The following GRIP1 variants were observed in gnomAD, a reference collection of about 807,000 sequenced individuals.
The protein encoded by GRIP1 is glutamate receptor interacting protein 1.
GRIP1 carries 45 observed loss-of-function variants against 129.9 expected under a neutral mutation model. The ratio of observed to expected loss-of-function variants is 0.35; its 90% CI spans 0.27 to 0.44. The LOEUF is 0.44. GRIP1 is among the 20% of genes least tolerant of loss of function. The probability of loss-of-function intolerance (pLI) is 1.00; values close to 1 mark genes in which losing one functional copy is unlikely to be tolerated. For missense variants in GRIP1, 1,196 were observed against 1,396.8 expected (o/e 0.86, Z 2.29); for synonymous variants, 530 against 520.8 (o/e 1.02, Z -0.24).
At chr12:66,563,362 C>G (rs1212947910) in intron 2 of GRIP1, among the ~76,000 whole-genome samples, 1 of 152,008 alleles carries the variant, frequency 6.6e-6, no homozygotes, top group African/African-American at 2.4e-5. Flanking sequence ...GGAAAAGGAG[C>G]AATCATCTTG....
intron 2 of GRIP1, among the ~76,000 whole-genome samples, chr12:66,587,706 G>A (rs1432461171): frequency 6.6e-6 from 1 of 152,168 alleles, no homozygotes; most frequent in Non-Finnish European, 1.5e-5. Context: ...TGGATGTAGC[G>A]AGCAAGTAAA....
chr12:66,649,594 A>G (rs748722925), intron 1 of GRIP1, among the ~76,000 whole-genome samples: 4 of 152,238 alleles, frequency 2.6e-5, no homozygotes, highest in Non-Finnish European at 4.4e-5. Flanking sequence ...CAGCACATGA[A>G]TGTAACCCAA....
chr12:66,930,028 A>T (rs1384923864), intron 1 of GRIP1, among the ~76,000 whole-genome samples: 2 of 144,020 alleles, frequency 1.4e-5, no homozygotes, highest in African/African-American at 5.1e-5. Flanking sequence ...CATGTTGCCC[A>T]GTTACCCAGG....
Position 66,869,180 on chromosome 12 carries a change from G to A in GRIP1, c.58+199870C>T, listed in dbSNP as rs189170044. On this transcript the variant is annotated intron_variant, in intron 1 of 1. Coordinates refer to the GRIP1 transcript ENST00000643019. ...TTCATCTAGTATTCCCTGACAGCCT[G>A]GCACACTGACCTGTACTTAATAGGT... Among the ~76,000 whole-genome samples, 8 of 151,902 alleles carry A rather than the reference G, an allele frequency of 5.3e-5. No individual in the cohort carries two copies. In the East Asian group the frequency reaches 1.2e-3, roughly 22 times the overall value.
At chr12:66,627,947 G>A (rs933041216) in intron 1 of GRIP1, among the ~76,000 whole-genome samples, 7 of 152,210 alleles carry the variant, frequency 4.6e-5, no homozygotes, top group African/African-American at 1.7e-4. Flanking sequence ...AGGAGGCTAG[G>A]GGAGAAAGGG....
chr12:66,735,249 A>T (rs892367596), intron 1 of GRIP1, among the ~76,000 whole-genome samples: 1 of 152,196 alleles, frequency 6.6e-6, no homozygotes, highest in African/African-American at 2.4e-5. Context: ...CCATGGTTCT[A>T]TGAAAGGATG....
At chr12:66,943,273 C>T (rs1382544178) in intron 1 of GRIP1, among the ~76,000 whole-genome samples, 3 of 152,040 alleles carry the variant, frequency 2.0e-5, no homozygotes, top group Non-Finnish European at 4.4e-5. Context: ...CAGCAGGGGG[C>T]CTAGCACCTC....
rs1357991678 is a variant in GRIP1, at chr12:66,526,956, CA to C, written c.502+2874del. 2.9e-5 allele frequency among the ~76,000 whole-genome samples: 4 copies of C among 136,908 alleles called. No homozygotes were observed. In the East Asian group the frequency reaches 8.0e-4, roughly 28 times the overall value. The allele number at this position is 136,908 out of a possible 152,430, so 89.8% of individuals were successfully genotyped here. On this transcript the variant is annotated intron_variant, in intron 5 of 24. Transcript: ENST00000359742. ...ATCATCACTGGCCATCAGAGAAATG[CA>C]AATCAAAACCAGAAGGAGATACCAT...
chr12:66,861,299 A>G (rs747091842), intron 1 of GRIP1, among the ~76,000 whole-genome samples: 6 of 152,160 alleles, frequency 3.9e-5, no homozygotes, highest in African/African-American at 7.2e-5. Context: ...GCAAACAGCC[A>G]CATTTGCAAA....
chr12:66,509,804 A>T (rs2060642285), intron 7 of GRIP1, among the ~76,000 whole-genome samples: 2 of 152,114 alleles, frequency 1.3e-5, no homozygotes, highest in Non-Finnish European at 2.9e-5. Flanking sequence ...TCACGGGGGC[A>T]GGGGAAGGGA....
At chr12:66,824,671 G>A (rs2039377555) in intron 1 of GRIP1, among the ~76,000 whole-genome samples, 1 of 152,020 alleles carries the variant, frequency 6.6e-6, no homozygotes, top group African/African-American at 2.4e-5. Flanking sequence ...CATGATTCAA[G>A]GATAATTATA....
intron 1 of GRIP1, among the ~76,000 whole-genome samples, chr12:66,634,911 T>C (rs982229450): frequency 2.6e-5 from 4 of 152,214 alleles, no homozygotes; most frequent in South Asian, 2.1e-4. Flanking sequence ...CTGGACCCAA[T>C]AACAGAAATT....
intron 1 of GRIP1, among the ~76,000 whole-genome samples, chr12:66,987,357 A>G (rs1472627222): frequency 6.6e-6 from 1 of 152,184 alleles, no homozygotes; most frequent in Admixed American, 6.6e-5. Flanking sequence ...ATTTTGAGAT[A>G]AAGTACAATG....
chr12:66,892,255 A>C (rs1592933729), intron 1 of GRIP1, among the ~76,000 whole-genome samples: 1 of 152,076 alleles, frequency 6.6e-6, no homozygotes, highest in Non-Finnish European at 1.5e-5. Context: ...CACCAATTCC[A>C]CCTTGGTCCC....
chr12:66,671,167 T>C (rs570468731), intron 1 of GRIP1, among the ~76,000 whole-genome samples: 1 of 152,210 alleles, frequency 6.6e-6, no homozygotes. Flanking sequence ...TAGAAACCCC[T>C]GAATTGGGTG....
intron 13 of GRIP1, among the ~76,000 whole-genome samples, chr12:66,438,032 A>T (rs1240752402): frequency 3.3e-5 from 5 of 152,228 alleles, no homozygotes; most frequent in Non-Finnish European, 7.3e-5. Flanking sequence ...TTTCACCACT[A>T]ATGTTCTGTT....
chr12:66,668,584 T>C (rs1182906163), intron 1 of GRIP1, among the ~76,000 whole-genome samples: 1 of 151,966 alleles, frequency 6.6e-6, no homozygotes, highest in African/African-American at 2.4e-5. Flanking sequence ...TCTAGTTAAA[T>C]AGGAAATTGG....
chr12:66,721,586 G>A (rs998316870), intron 1 of GRIP1, among the ~76,000 whole-genome samples: 3 of 152,086 alleles, frequency 2.0e-5, no homozygotes, highest in Non-Finnish European at 4.4e-5. Flanking sequence ...TTTTTGGAAT[G>A]GTAAGTAAGC....
chr12:66,478,381 G>A (rs1234847335), intron 7 of GRIP1, among the ~76,000 whole-genome samples: 7 of 152,138 alleles, frequency 4.6e-5, no homozygotes, highest in Non-Finnish European at 8.8e-5. Flanking sequence ...GGAAACAACA[G>A]GTGCTGGAGA....
Sources: allele counts gnomAD v4.1 joint callset (sites outside exome capture counted in the v4.1 genomes callset), GRCh38; gene constraint gnomAD v4.1.1; transcripts MANE v1.5; gene names NCBI Gene and HGNC (gene_info 2026-07-23, HGNC 2026-07-21).